The following CUL1 variants were observed in gnomAD, a reference collection of about 807,000 sequenced individuals.
The protein encoded by CUL1 is cullin-1.
Under a neutral mutation model 118.0 loss-of-function variants are expected in CUL1, and 24 were observed. The ratio of observed to expected loss-of-function variants is 0.20; its 90% CI spans 0.15 to 0.29. The LOEUF is 0.29. Ranked by LOEUF, CUL1 falls within the 10% of genes least tolerant of loss-of-function variation. CUL1 has a pLI of 1.00. For missense variants in CUL1, 361 were observed against 933.8 expected (o/e 0.39, Z 7.99); for synonymous variants, 332 against 340.4 (o/e 0.98, Z 0.27).
chr7:148,800,452 G>A lies in CUL1; in HGVS notation c.2251-50G>A, dbSNP rs369239361. The A allele has an allele frequency of 3.1e-4, 443 of 1,449,658 alleles. 2 individuals carry two copies. Among genetic ancestry groups the A allele is most frequent in the African/African-American group, 5.2e-4 (37 of 71,700 alleles). 89.8% of individuals were successfully genotyped at this position (1,449,658 alleles called of 1,614,324 possible). A position where few individuals can be genotyped will look rare whatever the true frequency, so the allele number is the denominator to read the frequency against. ...CCTCTCTCTGTTCTGATGATAATTT[G>A]TGTTTTTCTTCTCTTTCACTACCTC... On this transcript the variant is annotated intron_variant, in intron 21 of 21. Transcript: ENST00000325222. The surrounding 1 kb of genome is among the most constrained non-coding windows in gnomAD (Gnocchi z 4.6).
rs1290322369 is a variant in CUL1, at chr7:148,757,249, C to CT, written c.483+105dup. ...CAAGAGAATCTAGGCAAATATTAAG[C>CT]TTTTTTCAGAATAGTAAACTAATTT... On this transcript the variant is annotated intron_variant, in intron 4 of 21. Coordinates refer to ENST00000325222, the MANE Select transcript of CUL1 (RefSeq NM_003592.3). 1.4e-5 allele frequency: 9 copies of CT among 661,624 alleles called. No homozygotes were observed. In the East Asian group the frequency reaches 2.6e-4, roughly 19 times the overall value. 41.0% of individuals were successfully genotyped at this position (661,624 alleles called of 1,614,324 possible).
intron 1 of CUL1, among the ~76,000 whole-genome samples, chr7:148,720,305 T>C (rs529659302): frequency 6.6e-6 from 1 of 152,250 alleles, no homozygotes; most frequent in Non-Finnish European, 1.5e-5. Context: ...ACCCTTTAGT[T>C]AGTGAGCCAG....
At chr7:148,719,287 G>A (rs1798321745) in intron 1 of CUL1, among the ~76,000 whole-genome samples, 1 of 151,896 alleles carries the variant, frequency 6.6e-6, no homozygotes, top group Non-Finnish European at 1.5e-5. Flanking sequence ...CTCCAGCCTT[G>A]GTGACAGAGC....
intron 1 of CUL1, among the ~76,000 whole-genome samples, chr7:148,707,039 A>G (rs1797907289): frequency 2.6e-5 from 4 of 152,226 alleles, no homozygotes; most frequent in Admixed American, 2.6e-4. Context: ...ATATGTATAC[A>G]TACCTACATT....
chr7:148,757,323 TAGA>T (rs1219659830), intron 4 of CUL1, among the ~76,000 whole-genome samples, 173 bp downstream of exon 4: 3 of 152,346 alleles, frequency 2.0e-5, no homozygotes, highest in South Asian at 2.1e-4. Context: ...AGCAAGAAAG[TAGA>T]AGAATGGGTA....
intron 1 of CUL1, among the ~76,000 whole-genome samples, chr7:148,714,415 C>T (rs1798145627): frequency 6.6e-6 from 1 of 152,196 alleles, no homozygotes; most frequent in South Asian, 2.1e-4. Flanking sequence ...AGTCACCATG[C>T]TGGGTGCTGG....
At chr7:148,720,174 G>T (rs745722117) in intron 1 of CUL1, among the ~76,000 whole-genome samples, 2 of 150,870 alleles carry the variant, frequency 1.3e-5, no homozygotes, top group African/African-American at 5.0e-5. Context: ...TAAATAAAAC[G>T]CAGCGTATAG....
rs531342243 is a variant in CUL1 at position 148,709,634 on chromosome 7, G to A, written c.-162+10605G>A. Among the ~76,000 whole-genome samples, 116 of 152,296 alleles carry A rather than the reference G, an allele frequency of 7.6e-4. 1 individual carries two copies. Among genetic ancestry groups the A allele is most frequent in the African/African-American group, 2.8e-3 (116 of 41,550 alleles). On this transcript the variant is annotated intron_variant, in intron 1 of 21. Transcript: ENST00000325222. ...GAAAATACACAAGTTAATGTAAATT[G>A]TATGAAATAAAAAATATGGACCGAC... is the stretch of plus-strand genomic sequence containing the variant.
At chr7:148,732,911 C>G (rs531063703) in intron 2 of CUL1, among the ~76,000 whole-genome samples, 1 of 152,088 alleles carries the variant, frequency 6.6e-6, no homozygotes, top group African/African-American at 2.4e-5. Flanking sequence ...AGAATCTAAA[C>G]CAAGTCTAAA....
Position 148,800,860 on chromosome 7 carries a change from G to A in CUL1, c.*278G>A. 3.2e-6 allele frequency: 1 copy of A among 313,012 alleles called. No individual in the cohort carries two copies. Among genetic ancestry groups the A allele is most frequent in the Non-Finnish European group, 5.9e-6 (1 of 168,624 alleles). 19.4% of individuals were successfully genotyped at this position (313,012 alleles called of 1,614,324 possible). A position where few individuals can be genotyped will look rare whatever the true frequency, so the allele number is the denominator to read the frequency against. ...CGAGGGCTGCATGCTACCGCACTAA[G>A]TCAATACATGGGCTCCCCGATTCGC... On this transcript the variant is annotated 3_prime_UTR_variant, in exon 22 of 22. Coordinates refer to ENST00000325222, the MANE Select transcript of CUL1 (RefSeq NM_003592.3). The surrounding 1 kb of genome is among the most constrained non-coding windows in gnomAD (Gnocchi z 4.6).
intron 17 of CUL1, 146 bp from the exon 18 acceptor site, chr7:148,797,665 AC>A (rs1801250275): frequency 5.5e-5 from 35 of 631,022 alleles, no homozygotes; most frequent in Admixed American, 1.7e-4. Context: ...AGAAGTACCA[AC>A]TTTTTTTTCC....
At chr7:148,721,523 T>A (rs1255066769) in intron 1 of CUL1, among the ~76,000 whole-genome samples, 1 of 152,178 alleles carries the variant, frequency 6.6e-6, no homozygotes, top group Admixed American at 6.5e-5. Context: ...CAAAAATATG[T>A]ATCCCTAGCT....
intron 9 of CUL1, among the ~76,000 whole-genome samples, chr7:148,769,546 A>G (rs912415922): frequency 2.6e-5 from 4 of 152,052 alleles, no homozygotes; most frequent in African/African-American, 9.7e-5. Context: ...TCAGAACTCA[A>G]TTTACCTATA....
intron 1 of CUL1, among the ~76,000 whole-genome samples, chr7:148,712,036 A>G (rs763302631): frequency 1.3e-5 from 2 of 152,176 alleles, no homozygotes; most frequent in Non-Finnish European, 2.9e-5. Flanking sequence ...CTGGGGCACC[A>G]CTTCCACAGG....
intron 9 of CUL1, among the ~76,000 whole-genome samples, chr7:148,778,863 C>T (rs1800515079): frequency 6.6e-6 from 1 of 152,176 alleles, no homozygotes; most frequent in Non-Finnish European, 1.5e-5. Context: ...TGGAGAGCAC[C>T]AGTTTATGTA....
rs553538298 is a variant in CUL1, at chr7:148,716,340, C to T, written c.-161-13622C>T. The stretch of plus-strand genomic sequence containing the variant: ...GCATAAATGATACTGGCATGTCTAG[C>T]ATGGAATAATGAAAATCTTTGTGAT... On this transcript the variant is annotated intron_variant, in intron 1 of 21. Transcript: ENST00000325222. Among the ~76,000 whole-genome samples the T allele has an allele frequency of 9.9e-4, 150 of 152,246 alleles. 1 individual carries two copies. The highest frequency in any genetic ancestry group is 3.4e-3 in the African/African-American group (142 of 41,544).
Position 148,799,319 on chromosome 7 carries a change from C to T in CUL1, c.2181C>T (p.His727=). 1 of 1,614,138 alleles carries T rather than the reference C, an allele frequency of 6.2e-7. No homozygotes were observed. ...RIMKMRKVLK[H]QQLLGEVLTQ... ...TGAAGATGAGGAAGGTTCTGAAACA[C>T]CAGCAGTTACTTGGCGAGGTCCTCA... Residue 727 remains histidine, a synonymous_variant, in exon 21 of 22, where the codon CAC becomes CAT. Transcript: ENST00000325222.
chr7:148,715,298 C>T (rs187360879), intron 1 of CUL1, among the ~76,000 whole-genome samples: 13 of 152,294 alleles, frequency 8.5e-5, no homozygotes, highest in Non-Finnish European at 1.5e-4. Flanking sequence ...TTCTCACCAT[C>T]GTGTTGAGCG....
Position 148,783,792 on chromosome 7 carries a change from A to T in CUL1, c.1093A>T (p.Met365Leu). ...TCTGCCCCCATTTAAGGACCCCAAA[A>T]TGTATGTACAGACAGTGCTTGATGT... ...CGEAALNDPK[M>L]YVQTVLDVHK... is the part of the protein sequence containing the mutation. The change falls in exon 10 of 22, where the codon ATG becomes TTG. Residue 365 changes from methionine to leucine, a missense_variant. Around this residue, in one of 7 missense-constraint regions of CUL1, gnomAD observed 169 missense variants for 429.7 expected, o/e 0.39. Coordinates refer to ENST00000325222, the MANE Select transcript of CUL1 (RefSeq NM_003592.3). The T allele has an allele frequency of 6.2e-7, 1 of 1,614,108 alleles. No individual in the cohort carries two copies. The highest frequency in any genetic ancestry group is 1.3e-5 in the African/African-American group (1 of 75,030).
Sources: allele counts gnomAD v4.1 joint callset (sites outside exome capture counted in the v4.1 genomes callset), GRCh38; gene constraint gnomAD v4.1.1; regional missense constraint gnomAD v4.1.1; non-coding constraint Gnocchi (gnomAD v3.1); transcripts MANE v1.5; gene names NCBI Gene and HGNC (gene_info 2026-07-23, HGNC 2026-07-21).